The following HSF2BP variants were observed in gnomAD, a reference collection of about 807,000 sequenced individuals.
HSF2BP encodes heat shock factor 2-binding protein.
Under a neutral mutation model 35.0 loss-of-function variants are expected in HSF2BP, and 35 were observed. The ratio of observed to expected loss-of-function variants is 1.00; its 90% CI spans 0.76 to 1.32. HSF2BP has a LOEUF of 1.32. HSF2BP is among the 40% of genes most tolerant of loss of function. HSF2BP has a pLI of 0.00. For missense variants in HSF2BP, 326 were observed against 321.7 expected (o/e 1.01, Z -0.10); for synonymous variants, 114 against 117.4 (o/e 0.97, Z 0.18).
At chr21:43,608,128 C>CA (rs35540106) in intron 7 of HSF2BP, among the ~76,000 whole-genome samples, 88,602 of 151,448 alleles carry the variant, frequency 0.59, 26,292 homozygotes, top group East Asian at 0.79. Context: ...TTCTCCACAG[C>CA]AAAAAAAACT....
At chr21:43,626,083 T>C (rs770503483) in intron 6 of HSF2BP, among the ~76,000 whole-genome samples, 1 of 152,216 alleles carries the variant, frequency 6.6e-6, no homozygotes. Flanking sequence ...GCAAGCCTGC[T>C]ACAACTGTAG....
intron 8 of HSF2BP, among the ~76,000 whole-genome samples, chr21:43,581,113 G>A (rs1433007137): frequency 6.6e-6 from 1 of 152,214 alleles, no homozygotes; most frequent in African/African-American, 2.4e-5. Flanking sequence ...GCAGCCGGAC[G>A]CAGTGGTTCA....
intron 7 of HSF2BP, among the ~76,000 whole-genome samples, chr21:43,604,275 TCA>T (rs1474516944): frequency 1.0e-5 from 1 of 95,700 alleles, no homozygotes; most frequent in Non-Finnish European, 2.1e-5. Context: ...CACACACCAC[TCA>T]CACACATCAC....
chr21:43,656,553 T>C (rs2082870753), intron 3 of HSF2BP, 34 bp downstream of exon 3: 4 of 1,591,036 alleles, frequency 2.5e-6, no homozygotes, highest in Non-Finnish European at 3.4e-6. Flanking sequence ...CAAATTACTG[T>C]TACCACCAAT....
intron 7 of HSF2BP, among the ~76,000 whole-genome samples, chr21:43,601,628 A>G (rs750945601): frequency 2.6e-5 from 4 of 152,164 alleles, no homozygotes; most frequent in Non-Finnish European, 5.9e-5. Flanking sequence ...CCATCTACCA[A>G]TTTATAACTC....
chr21:43,616,381 C>T (rs552672733), intron 6 of HSF2BP, among the ~76,000 whole-genome samples: 5 of 152,338 alleles, frequency 3.3e-5, no homozygotes, highest in South Asian at 2.1e-4. Context: ...TGGTGGCTCA[C>T]GCCAGTAATC....
chr21:43,467,905 G>T, the HSF2BP span, among the ~76,000 whole-genome samples: 3 of 12,986 alleles, frequency 2.3e-4, no homozygotes, highest in East Asian at 3.5e-3. Context: ...CCACACACAC[G>T]CACCACACAC....
chr21:43,609,746 T>C (rs1601662392), intron 7 of HSF2BP: 2 of 152,208 alleles, frequency 1.3e-5, no homozygotes, highest in South Asian at 2.1e-4. Flanking sequence ...CATGAGCATG[T>C]TGGAAGGCAG....
intron 8 of HSF2BP, among the ~76,000 whole-genome samples, chr21:43,591,591 A>C (rs1201716963): frequency 1.3e-5 from 2 of 152,248 alleles, no homozygotes. Context: ...AACATCTTAC[A>C]ATCAATCCTA....
Position 43,654,899 on chromosome 21 carries a change from G to A in HSF2BP, c.187+1688C>T, listed in dbSNP as rs150650043. Among the ~76,000 whole-genome samples the A allele has an allele frequency of 4.6e-5, 7 of 152,322 alleles. No homozygotes were observed. The Middle Eastern group carries it at 0.01, about 222-fold the overall frequency. On this transcript the variant is annotated intron_variant, in intron 3 of 8. Transcript: ENST00000291560. Reference sequence around the variant, plus strand: ...ATTGGAAGGCTGCAAAGCAGAGAAGGATAAATTTCAGCAAAGGGGAATAAG... The same window carrying A: ...ATTGGAAGGCTGCAAAGCAGAGAAGAATAAATTTCAGCAAAGGGGAATAAG...
intron 8 of HSF2BP, among the ~76,000 whole-genome samples, chr21:43,578,255 G>A (rs112056705): frequency 0.045 from 6,812 of 152,172 alleles, 519 homozygotes; most frequent in African/African-American, 0.15. Flanking sequence ...CTCACATTAG[G>A]ATCCTTCAGA....
intron 7 of HSF2BP, among the ~76,000 whole-genome samples, chr21:43,603,322 C>T (rs2082074134): frequency 6.6e-6 from 1 of 152,194 alleles, no homozygotes; most frequent in Admixed American, 6.5e-5. Flanking sequence ...ACACCAGGCC[C>T]TGGGAGCACA....
intron 8 of HSF2BP, among the ~76,000 whole-genome samples, chr21:43,588,282 G>A (rs1222986199): frequency 6.6e-6 from 1 of 152,182 alleles, no homozygotes; most frequent in Non-Finnish European, 1.5e-5. Flanking sequence ...GGAGGCTGAG[G>A]CAGGAGAATC....
chr21:43,658,207 C>G lies in HSF2BP; in HGVS notation c.-111G>C. 1 of 1,261,732 alleles carries G rather than the reference C, an allele frequency of 7.9e-7. No homozygotes were observed. Among genetic ancestry groups the G allele is most frequent in the Middle Eastern group, 1.9e-4 (1 of 5,158 alleles). The allele number at this position is 1,261,732 out of a possible 1,614,324, so 78.2% of individuals were successfully genotyped here. A position where few individuals can be genotyped will look rare whatever the true frequency, so the allele number is the denominator to read the frequency against. The stretch of plus-strand genomic sequence containing the variant: ...CCGGGGGTCGGGAACGGAGAGCCGC[C>G]AGGCCCAAACCTCCCAGAATTTGCG... On this transcript the variant is annotated 5_prime_UTR_variant, in exon 2 of 9. Coordinates refer to ENST00000291560, the MANE Select transcript of HSF2BP (RefSeq NM_007031.2).
At chr21:43,610,691 C>G (rs2082193397) in intron 7 of HSF2BP, among the ~76,000 whole-genome samples, 2 of 152,260 alleles carry the variant, frequency 1.3e-5, no homozygotes, top group East Asian at 3.9e-4. Flanking sequence ...AAAGTGCTGA[C>G]AAGGACGTGG....
chr21:43,647,262 C>T (rs557161907), intron 3 of HSF2BP, among the ~76,000 whole-genome samples: 5 of 151,908 alleles, frequency 3.3e-5, no homozygotes, highest in Middle Eastern at 6.8e-3. Flanking sequence ...TTCCCCGAGA[C>T]GGTGTCTCTC....
chr21:43,622,073 T>C (rs8131005), intron 6 of HSF2BP, among the ~76,000 whole-genome samples: 77,735 of 152,052 alleles, frequency 0.51, 21,264 homozygotes, highest in East Asian at 0.69. Flanking sequence ...GTTTCTATTA[T>C]TTTTTGTGAT....
At chr21:43,617,640 TTAGTA>T (rs1291561065) in intron 6 of HSF2BP, among the ~76,000 whole-genome samples, 3 of 151,906 alleles carry the variant, frequency 2.0e-5, no homozygotes, top group Admixed American at 2.0e-4. Context: ...ATTCTAGAGA[TTAGTA>T]TAGTAATTAC....
intron 6 of HSF2BP, among the ~76,000 whole-genome samples, chr21:43,616,527 T>C (rs951087937): frequency 9.2e-5 from 14 of 152,094 alleles, no homozygotes; most frequent in African/African-American, 3.4e-4. Context: ...CCCGTAATCC[T>C]AGTTACTTGG....
Sources: gnomAD v4.1 joint callset for allele counts (sites outside exome capture counted in the v4.1 genomes callset) on GRCh38, gnomAD v4.1.1 for gene constraint, MANE v1.5 for transcripts, NCBI Gene and HGNC (gene_info 2026-07-23, HGNC 2026-07-21) for gene names.